Variants in LYN observed in about 807,000 individuals in gnomAD.
LYN encodes LYN proto-oncogene, Src family tyrosine kinase.
In LYN, 12 loss-of-function variants were observed where a neutral mutation model predicts 65.0. The observed-to-expected ratio is 0.18, with a 90% confidence interval of 0.12 to 0.30. The LOEUF (loss-of-function observed/expected upper bound fraction) is 0.30. Among genes scored for constraint, LYN ranks in the 10% least tolerant of loss-of-function variants. The pLI, the probability that LYN is intolerant of heterozygous loss-of-function variation, is 1.00. For synonymous variants in LYN, 222 were observed against 221.2 expected (o/e 1.00, Z -0.03); for missense variants, 380 against 623.2 (o/e 0.61, Z 4.16).
chr8:55,879,914 T>C lies in LYN; in HGVS notation c.-195T>C. ...CCTCCGGGCCAGACGCGCTGCAGCC[T>C]CCAGCCCGCGGCAAGCGGGGCGGCC... On this transcript the variant is annotated 5_prime_UTR_variant, in exon 1 of 13. Transcript: ENST00000519728. 1 of 201,970 alleles carries C rather than the reference T, an allele frequency of 5.0e-6. No homozygotes were observed. Among genetic ancestry groups the C allele is most frequent in the Non-Finnish European group, 9.8e-6 (1 of 101,910 alleles). 12.5% of individuals were successfully genotyped at this position (201,970 alleles called of 1,614,324 possible).
rs139473254 is a variant in LYN at position 55,932,919 on chromosome 8, A to T, written c.-5-8936A>T. 7.0e-3 allele frequency among the ~76,000 whole-genome samples: 1,062 copies of T among 152,294 alleles called. 6 individuals carry two copies. The highest frequency in any genetic ancestry group is 0.011 in the Non-Finnish European group (771 of 68,018). On this transcript the variant is annotated intron_variant, in intron 1 of 12. Transcript: ENST00000519728. Reference sequence around the variant, plus strand: ...TGAATGGGAGCTAGGCATTGAATACATATGGATGTAAAGATAGGAGCAATA... The same window carrying T: ...TGAATGGGAGCTAGGCATTGAATACTTATGGATGTAAAGATAGGAGCAATA...
chr8:55,884,444 C>G (rs1441991174), intron 1 of LYN, among the ~76,000 whole-genome samples: 1 of 150,212 alleles, frequency 6.7e-6, no homozygotes, highest in African/African-American at 2.5e-5. Context: ...TGGAAGGGCT[C>G]TCTTTATTTT....
chr8:55,883,769 G>A (rs1441903578), intron 1 of LYN, among the ~76,000 whole-genome samples: 1 of 152,164 alleles, frequency 6.6e-6, no homozygotes, highest in African/African-American at 2.4e-5. Flanking sequence ...TGTGTGCAAG[G>A]CACTGTTCTA....
chr8:55,968,148 C>T (rs1271610532), intron 9 of LYN, among the ~76,000 whole-genome samples: 1 of 152,038 alleles, frequency 6.6e-6, no homozygotes, highest in African/African-American at 2.4e-5. Context: ...AGGCTCAGGG[C>T]CAGACACCTT....
chr8:55,933,490 A>G (rs1806327747), intron 1 of LYN, among the ~76,000 whole-genome samples: 1 of 152,266 alleles, frequency 6.6e-6, no homozygotes, highest in South Asian at 2.1e-4. Context: ...AGAAGTGGTC[A>G]TGTTGGGTTA....
In LYN at chr8:56,008,124, A is replaced by AAAAAT. The variant is rs1000414913; in HGVS notation, c.1337-1757_1337-1753dup. 6.9e-3 allele frequency among the ~76,000 whole-genome samples: 595 copies of AAAAAT among 86,710 alleles called. 11 individuals carry two copies. The highest frequency in any genetic ancestry group is 0.023 in the African/African-American group (560 of 24,550). 56.9% of individuals were successfully genotyped at this position (86,710 alleles called of 152,430 possible). On this transcript the variant is annotated intron_variant, in intron 12 of 12. Transcript: ENST00000519728. ...AAAGAGGGAGACTCTGCCTCAAAAAAAAAATAAAATAAAATAAAATAAAAT... is the reference window on the plus strand; with the variant it reads ...AAAGAGGGAGACTCTGCCTCAAAAAAAAAATAAAATAAAATAAAATAAAATAAAAT...
chr8:55,899,724 A>G (rs1257513167), intron 1 of LYN, among the ~76,000 whole-genome samples: 1 of 152,022 alleles, frequency 6.6e-6, no homozygotes, highest in Non-Finnish European at 1.5e-5. Flanking sequence ...ATCTCAGTTC[A>G]CTGCAACCTC....
chr8:55,992,495 C>A (rs370006995), intron 10 of LYN, among the ~76,000 whole-genome samples: 4 of 152,168 alleles, frequency 2.6e-5, no homozygotes, highest in African/African-American at 9.7e-5. Flanking sequence ...CCATATGGAG[C>A]CTCCTCCTCC....
Position 56,011,607 on chromosome 8 carries a change from T to C in LYN, c.*1497T>C, listed in dbSNP as rs1424166725. The C allele has an allele frequency of 1.6e-5, 3 of 191,268 alleles. No homozygotes were observed. The highest frequency in any genetic ancestry group is 8.4e-5 in the East Asian group (1 of 11,976). 11.8% of individuals were successfully genotyped at this position (191,268 alleles called of 1,614,324 possible). ...GGGCCAGATAGAATTTGTTTTCAAA[T>C]AGGCTTAACAGGCATCATTAAAATT... On this transcript the variant is annotated 3_prime_UTR_variant, in exon 13 of 13. Coordinates refer to ENST00000519728, the MANE Select transcript of LYN (RefSeq NM_002350.4).
chr8:55,920,406 A>G (rs1805910588), intron 1 of LYN, among the ~76,000 whole-genome samples: 2 of 152,232 alleles, frequency 1.3e-5, no homozygotes, highest in South Asian at 4.1e-4. Context: ...TCATGTCACT[A>G]TAACCTGGCT....
chr8:55,947,754 C>A lies in LYN; in HGVS notation c.284+31C>A. 2.0e-6 allele frequency: 3 copies of A among 1,474,252 alleles called. No homozygotes were observed. The South Asian group carries it at 3.4e-5, about 17-fold the overall frequency. 91.3% of individuals were successfully genotyped at this position (1,474,252 alleles called of 1,614,324 possible). On this transcript the variant is annotated intron_variant, in intron 4 of 12. Coordinates refer to ENST00000519728, the MANE Select transcript of LYN (RefSeq NM_002350.4). ...TGCTCTCAAGCACGCCACGGCTGCTCGTTTCCTCAGGCCACTGAGTCCTGC... is the reference window on the plus strand; with the variant it reads ...TGCTCTCAAGCACGCCACGGCTGCTAGTTTCCTCAGGCCACTGAGTCCTGC...
intron 1 of LYN, among the ~76,000 whole-genome samples, chr8:55,931,401 A>G (rs1437303992): frequency 6.6e-6 from 1 of 150,594 alleles, no homozygotes; most frequent in Non-Finnish European, 1.5e-5. Context: ...GGAACTGAGC[A>G]CAAAACCTAA....
At chr8:55,980,953 C>T (rs1807901304) in intron 10 of LYN, among the ~76,000 whole-genome samples, 3 of 152,120 alleles carry the variant, frequency 2.0e-5, no homozygotes, top group Non-Finnish European at 4.4e-5. Flanking sequence ...GCTTGCTAGC[C>T]CCTGGCCACC....
intron 10 of LYN, among the ~76,000 whole-genome samples, chr8:55,990,557 C>G (rs1462241409): frequency 6.6e-6 from 1 of 152,200 alleles, no homozygotes; most frequent in Non-Finnish European, 1.5e-5. Context: ...CAAAATTTGT[C>G]AGAGAAATAT....
chr8:55,942,099 C>G (rs1806628375), intron 2 of LYN, 108 bp downstream of exon 2: 1 of 1,124,480 alleles, frequency 8.9e-7, no homozygotes. Flanking sequence ...CCATTGATTA[C>G]TTGGTCCTCA....
Position 55,993,734 on chromosome 8 carries a change from G to C in LYN, c.1051-4612G>C, listed in dbSNP as rs116977964. Reference sequence around the variant, plus strand: ...TTCAATTAGTGGTGGGGAAATGGTGGTTATTAATATCCATCTACCTACCCA... The same window carrying C: ...TTCAATTAGTGGTGGGGAAATGGTGCTTATTAATATCCATCTACCTACCCA... On this transcript the variant is annotated intron_variant, in intron 10 of 12. Transcript: ENST00000519728. Among the ~76,000 whole-genome samples the C allele has an allele frequency of 2.2e-3, 341 of 152,310 alleles. 1 individual carries two copies. The highest frequency in any genetic ancestry group is 3.9e-3 in the Non-Finnish European group (263 of 68,032).
At chr8:55,976,451 T>C (rs577232959) in intron 10 of LYN, among the ~76,000 whole-genome samples, 1 of 152,302 alleles carries the variant, frequency 6.6e-6, no homozygotes, top group Non-Finnish European at 1.5e-5. Flanking sequence ...TTGCTCTCCC[T>C]GAGCCCCCTC....
chr8:55,884,941 A>G (rs755068188), intron 1 of LYN, among the ~76,000 whole-genome samples: 15 of 152,286 alleles, frequency 9.8e-5, no homozygotes, highest in Non-Finnish European at 1.6e-4. Flanking sequence ...GCTATTTCTT[A>G]AAAGCTGTAC....
rs572097404 is a variant in LYN, at chr8:55,927,712, G to A, written c.-5-14143G>A. ...TAGCTGTGTGTGGTGGCGGGTGCCT[G>A]TAATGCCCAGCTACTCAGGAGACTG... On this transcript the variant is annotated intron_variant, in intron 1 of 12. Transcript: ENST00000519728. Among the ~76,000 whole-genome samples, 11 of 152,182 alleles carry A rather than the reference G, an allele frequency of 7.2e-5. No homozygotes were observed. In the South Asian group the frequency reaches 1.9e-3, roughly 26 times the overall value.
Sources: gnomAD v4.1 joint callset for allele counts (sites outside exome capture counted in the v4.1 genomes callset) on GRCh38, gnomAD v4.1.1 for gene constraint, MANE v1.5 for transcripts, NCBI Gene and HGNC (gene_info 2026-07-23, HGNC 2026-07-21) for gene names.